GRID2: variants seen among roughly 807,000 people sequenced by gnomAD.
The protein encoded by GRID2 is glutamate receptor ionotropic, delta-2.
In GRID2, 33 loss-of-function variants were observed where a neutral mutation model predicts 114.8. That is an observed-to-expected ratio of 0.29 (90% CI 0.22 to 0.38). The LOEUF is 0.38. GRID2 is among the 10% of genes least tolerant of loss of function. The pLI is 1.00. For synonymous variants in GRID2, 505 were observed against 449.9 expected (o/e 1.12, Z -1.55); for missense variants, 1,184 against 1,257.7 (o/e 0.94, Z 0.89).
Position 93,490,677 on chromosome 4 carries a change from A to G in GRID2, c.1897A>G (p.Met633Val), listed in dbSNP as rs1387384331. The change falls in exon 12 of 16, where the codon ATG becomes GTG. Residue 633 changes from methionine (M) to valine (V), a missense_variant. By Grantham distance (21) the Met-to-Val change is conservative. This residue lies in a region of GRID2 where 717 missense variants were observed against 796.9 expected (regional missense o/e 0.90). Coordinates refer to ENST00000282020, the MANE Select transcript of GRID2 (RefSeq NM_001510.4). ...GTACACGACTCTGGCTACCCGAATG[A>G]TGATGGGGGCTTGGTGGCTATTTGC... ...VPYTTLATRMMMGAWWLFALI... is the reference protein window; with the variant it reads ...VPYTTLATRMVMGAWWLFALI... The G allele has an allele frequency of 1.2e-6, 2 of 1,610,922 alleles. No individual in the cohort carries two copies. The highest frequency in any genetic ancestry group is 1.7e-6 in the Non-Finnish European group (2 of 1,177,654).
intron 2 of GRID2, among the ~76,000 whole-genome samples, chr4:92,703,870 G>A (rs1284929657): frequency 6.6e-6 from 1 of 151,978 alleles, no homozygotes; most frequent in African/African-American, 2.4e-5. Context: ...TATTGGTAGA[G>A]AAATGGAAAC....
chr4:93,298,437 C>G (rs1754539528), intron 8 of GRID2, among the ~76,000 whole-genome samples: 1 of 152,156 alleles, frequency 6.6e-6, no homozygotes, highest in Admixed American at 6.5e-5. Context: ...TCTCTATGGT[C>G]CCTTTTAAAA....
chr4:92,666,814 A>T (rs1311020374), intron 2 of GRID2, among the ~76,000 whole-genome samples: 2 of 150,810 alleles, frequency 1.3e-5, no homozygotes, highest in Non-Finnish European at 3.0e-5. Flanking sequence ...ATTAAAAAAA[A>T]CCTCACTTGA....
intron 1 of GRID2, among the ~76,000 whole-genome samples, chr4:93,792,179 C>T (rs2110359506): frequency 6.6e-6 from 1 of 152,304 alleles, no homozygotes; most frequent in East Asian, 1.9e-4. Flanking sequence ...CAAGCCCCAA[C>T]CTGCTGCCCA....
chr4:93,195,510 C>T (rs1333489230), intron 4 of GRID2, among the ~76,000 whole-genome samples: 1 of 152,120 alleles, frequency 6.6e-6, no homozygotes, highest in Non-Finnish European at 1.5e-5. Flanking sequence ...TGCCATATTC[C>T]AGGTTATATT....
At chr4:92,851,214 A>G (rs1223173699) in intron 2 of GRID2, among the ~76,000 whole-genome samples, 1 of 151,970 alleles carries the variant, frequency 6.6e-6, no homozygotes, top group Non-Finnish European at 1.5e-5. Flanking sequence ...AATCAGCCAA[A>G]TACTTTAAAT....
At chr4:92,507,012 G>A (rs1204900573) in intron 1 of GRID2, among the ~76,000 whole-genome samples, 1 of 151,556 alleles carries the variant, frequency 6.6e-6, no homozygotes, top group East Asian at 1.9e-4. Flanking sequence ...TCCTGCTCAG[G>A]CTATGTCACT....
chr4:92,718,718 G>T (rs545718205), intron 2 of GRID2, among the ~76,000 whole-genome samples: 1 of 119,658 alleles, frequency 8.4e-6, no homozygotes, highest in South Asian at 3.0e-4. Context: ...AGCCATGATA[G>T]CACCACTGCC....
chr4:93,446,087 G>A lies in GRID2; in HGVS notation c.1546-9575G>A, dbSNP rs188314923. 3.7e-4 allele frequency among the ~76,000 whole-genome samples: 56 copies of A among 152,068 alleles called. No individual in the cohort carries two copies. In the East Asian group the frequency reaches 0.01, roughly 28 times the overall value. ...GGGTACAAACTGCAGAAAAGAGCAG[G>A]GTATTAGCTCAGCAGGAAGCATAAT... On this transcript the variant is annotated intron_variant, in intron 10 of 15. Transcript: ENST00000282020.
At chr4:93,770,257 C>G (rs1734001899) in intron 15 of GRID2, among the ~76,000 whole-genome samples, 2 of 152,126 alleles carry the variant, frequency 1.3e-5, no homozygotes, top group Non-Finnish European at 2.9e-5. Flanking sequence ...TAAAGCTTCA[C>G]AAATTGAAAC....
At chr4:93,050,170 T>C (rs1266039889) in intron 2 of GRID2, among the ~76,000 whole-genome samples, 1 of 152,082 alleles carries the variant, frequency 6.6e-6, no homozygotes, top group Non-Finnish European at 1.5e-5. Flanking sequence ...GCTAACAATG[T>C]ATAGCCCTGC....
chr4:93,017,504 G>A (rs1362776379), intron 2 of GRID2, among the ~76,000 whole-genome samples: 3 of 151,642 alleles, frequency 2.0e-5, no homozygotes, highest in South Asian at 2.1e-4. Context: ...TTCTTTCTCC[G>A]TACTTCACCT....
intron 8 of GRID2, among the ~76,000 whole-genome samples, chr4:93,359,801 A>G (rs1028631600): frequency 7.4e-6 from 1 of 135,002 alleles, no homozygotes; most frequent in African/African-American, 2.7e-5. Flanking sequence ...AGCGAATACC[A>G]TAGCCAAGCC....
chr4:93,353,505 C>CA (rs1214184098), intron 8 of GRID2, among the ~76,000 whole-genome samples: 2 of 151,926 alleles, frequency 1.3e-5, no homozygotes, highest in Non-Finnish European at 2.9e-5. Flanking sequence ...TCAGACCACA[C>CA]AATCACAGAT....
At chr4:92,491,777 GATTA>G (rs900439805) in intron 1 of GRID2, among the ~76,000 whole-genome samples, 1 of 151,974 alleles carries the variant, frequency 6.6e-6, no homozygotes, top group African/African-American at 2.4e-5. Context: ...CATAAATTAT[GATTA>G]ATTGTTCTAT....
At chr4:92,353,618 G>T (rs1728178370) in intron 1 of GRID2, among the ~76,000 whole-genome samples, 1 of 151,912 alleles carries the variant, frequency 6.6e-6, no homozygotes, top group Non-Finnish European at 1.5e-5. Flanking sequence ...TTAAACAGAA[G>T]TTTTCTTGAA....
chr4:93,018,479 G>C (rs143783643), intron 2 of GRID2, among the ~76,000 whole-genome samples: 1 of 152,010 alleles, frequency 6.6e-6, no homozygotes, highest in South Asian at 2.1e-4. Flanking sequence ...ATTTTGAGTC[G>C]TTATTCATCC....
At chr4:93,501,986 A>G (rs1728154604) in intron 12 of GRID2, among the ~76,000 whole-genome samples, 1 of 151,968 alleles carries the variant, frequency 6.6e-6, no homozygotes, top group Admixed American at 6.6e-5. Context: ...CTGGATAAAT[A>G]AATTCTATCC....
chr4:92,726,057 T>A (rs950951784), intron 2 of GRID2, among the ~76,000 whole-genome samples: 5 of 152,126 alleles, frequency 3.3e-5, no homozygotes, highest in African/African-American at 1.2e-4. Context: ...AAAGTTAAGT[T>A]TATTGCTTGA....
Sources: allele counts gnomAD v4.1 joint callset (sites outside exome capture counted in the v4.1 genomes callset), GRCh38; gene constraint gnomAD v4.1.1; regional missense constraint gnomAD v4.1.1; transcripts MANE v1.5; gene names NCBI Gene and HGNC (gene_info 2026-07-23, HGNC 2026-07-21).